TBC1D1: variants seen among roughly 807,000 people sequenced by gnomAD.
TBC1D1 encodes the protein TBC1 (tre-2/USP6, BUB2, cdc16) domain family, member 1.
Under a neutral mutation model 125.6 loss-of-function variants are expected in TBC1D1, and 89 were observed. The observed-to-expected ratio is 0.71, with a 90% CI of 0.60 to 0.85. TBC1D1 has a LOEUF of 0.85. Ranked by LOEUF, TBC1D1 falls within the 40% of genes least tolerant of loss-of-function variation. The pLI is 0.00. For synonymous variants in TBC1D1, 565 were observed against 564.1 expected (o/e 1.00, Z -0.02); for missense variants, 1,377 against 1,469.2 (o/e 0.94, Z 1.03).
intron 6 of TBC1D1, among the ~76,000 whole-genome samples, chr4:38,021,929 C>T (rs916872940): frequency 6.6e-6 from 1 of 152,132 alleles, no homozygotes; most frequent in Non-Finnish European, 1.5e-5. Flanking sequence ...AACCCAGAAC[C>T]CCCTTCTGCC....
intron 1 of TBC1D1, among the ~76,000 whole-genome samples, chr4:37,898,335 G>A (rs1715083925): frequency 6.6e-6 from 1 of 151,000 alleles, no homozygotes; most frequent in Admixed American, 6.6e-5. Flanking sequence ...CTTGAGGTAG[G>A]ACTTAAGTAC....
intron 14 of TBC1D1, among the ~76,000 whole-genome samples, chr4:38,100,008 A>G (rs979117800): frequency 8.5e-5 from 13 of 152,198 alleles, no homozygotes; most frequent in African/African-American, 3.1e-4. Context: ...GTTTGAGAAA[A>G]AGTATTTTGT....
chr4:38,035,729 CCAAGT>C, intron 8 of TBC1D1, 31 bp downstream of exon 8: 1 of 1,511,600 alleles, frequency 6.6e-7, no homozygotes, highest in Non-Finnish European at 9.2e-7. Context: ...GTAATTGTTG[CCAAGT>C]CTCTGCCAAG....
At chr4:37,900,429 G>T (rs1191325106) in intron 1 of TBC1D1, among the ~76,000 whole-genome samples, 1 of 150,536 alleles carries the variant, frequency 6.6e-6, no homozygotes, top group Non-Finnish European at 1.5e-5. Flanking sequence ...TTTTCGATTG[G>T]AGAGACCTCA....
intron 7 of TBC1D1, among the ~76,000 whole-genome samples, chr4:38,031,247 G>T (rs1373432352): frequency 2.0e-5 from 3 of 152,142 alleles, no homozygotes; most frequent in African/African-American, 7.2e-5. Flanking sequence ...TTCAGGGAAT[G>T]ACTTAATTAA....
chr4:38,118,303 A>C, intron 17 of TBC1D1, 111 bp downstream of exon 19: 1 of 1,310,834 alleles, frequency 7.6e-7, no homozygotes, highest in East Asian at 2.3e-5. Flanking sequence ...TCTTACCAGA[A>C]CAGGGTATTG....
intron 14 of TBC1D1, among the ~76,000 whole-genome samples, chr4:38,099,822 A>G (rs556090846): frequency 2.0e-5 from 3 of 152,208 alleles, no homozygotes; most frequent in South Asian, 2.1e-4. Context: ...TCCAACCTGC[A>G]TGATCCTGTG....
At chr4:37,942,320 G>A (rs10018001) in intron 2 of TBC1D1, among the ~76,000 whole-genome samples, 2,855 of 152,184 alleles carry the variant, frequency 0.019, 94 homozygotes, top group African/African-American at 0.065. Context: ...TTTAAAGTCT[G>A]TTTAATCAGA....
intron 2 of TBC1D1, among the ~76,000 whole-genome samples, chr4:37,962,076 G>A (rs1006007193): frequency 2.0e-5 from 3 of 152,214 alleles, no homozygotes; most frequent in Non-Finnish European, 4.4e-5. Context: ...TGGGCCCCAT[G>A]AGGGCAGGGA....
chr4:38,133,345 C>A, intron 19 of TBC1D1, 88 bp downstream of exon 21: 1 of 1,292,748 alleles, frequency 7.7e-7, no homozygotes, highest in Non-Finnish European at 1.1e-6. Context: ...CTGGGCTTTC[C>A]CATGACCAGA....
In TBC1D1 at chr4:37,945,846, G is replaced by T. The variant is rs1486203176; in HGVS notation, c.417+43334G>T. On this transcript the variant is annotated intron_variant, in intron 2 of 19. Coordinates refer to ENST00000261439, the MANE Select transcript of TBC1D1 (RefSeq NM_015173.4). ...TGATAGAATCTAATGAACAAATATG[G>T]GTTAATTTTAAAAATGTGAGTTGAG... is the stretch of plus-strand genomic sequence containing the variant. 8.5e-5 allele frequency among the ~76,000 whole-genome samples: 13 copies of T among 152,070 alleles called. 1 individual carries two copies. Among genetic ancestry groups the T allele is most frequent in the Admixed American group, 7.2e-4 (11 of 15,260 alleles).
intron 2 of TBC1D1, chr4:37,960,533 A>T: frequency 6.2e-7 from 1 of 1,614,174 alleles, no homozygotes; most frequent in Non-Finnish European, 8.5e-7. Context: ...CTTCAATCAA[A>T]GCATTAGATG....
At chr4:38,061,357 T>C (rs1011240716) in intron 12 of TBC1D1, among the ~76,000 whole-genome samples, 2 of 152,178 alleles carry the variant, frequency 1.3e-5, no homozygotes, top group African/African-American at 4.8e-5. Context: ...CATAATTTTC[T>C]CTCTGGGTGT....
chr4:37,965,459 T>A (rs778266245), intron 2 of TBC1D1, among the ~76,000 whole-genome samples: 5 of 152,232 alleles, frequency 3.3e-5, no homozygotes, highest in Admixed American at 2.0e-4. Flanking sequence ...ACATCTGGCA[T>A]GCAGTAAGTA....
chr4:37,918,858 G>T (rs1307088675), intron 2 of TBC1D1, among the ~76,000 whole-genome samples: 1 of 152,126 alleles, frequency 6.6e-6, no homozygotes, highest in East Asian at 1.9e-4. Flanking sequence ...TGTGTATTCT[G>T]TACAACACAT....
intron 2 of TBC1D1, among the ~76,000 whole-genome samples, chr4:37,926,888 G>C (rs80093407): frequency 6.6e-6 from 1 of 152,190 alleles, no homozygotes; most frequent in South Asian, 2.1e-4. Flanking sequence ...AGGCCAAGGC[G>C]GGTGGATTGC....
intron 2 of TBC1D1, among the ~76,000 whole-genome samples, chr4:37,951,845 T>C (rs1438745630): frequency 6.6e-6 from 1 of 152,092 alleles, no homozygotes; most frequent in Non-Finnish European, 1.5e-5. Flanking sequence ...CCCAGAGGAG[T>C]AAATCATTCA....
chr4:37,920,405 T>C (rs971313606), intron 2 of TBC1D1, among the ~76,000 whole-genome samples: 1 of 151,648 alleles, frequency 6.6e-6, no homozygotes, highest in Non-Finnish European at 1.5e-5. Flanking sequence ...AAGAACCGGG[T>C]AAAGAGACAA....
chr4:38,098,771 G>A (rs774625704), intron 14 of TBC1D1, among the ~76,000 whole-genome samples: 2 of 152,176 alleles, frequency 1.3e-5, no homozygotes, highest in Admixed American at 6.5e-5. Context: ...CTTTGAAGTA[G>A]AGGCCAACTC....
Sources: allele counts gnomAD v4.1 joint callset (sites outside exome capture counted in the v4.1 genomes callset), GRCh38; gene constraint gnomAD v4.1.1; transcripts MANE v1.5; gene names NCBI Gene and HGNC (gene_info 2026-07-23, HGNC 2026-07-21).